KIAA1549L: variants seen among roughly 807,000 people sequenced by gnomAD.
The protein encoded by KIAA1549L is UPF0606 protein KIAA1549L.
In KIAA1549L, 88 loss-of-function variants were observed where a neutral mutation model predicts 160.7. The ratio of observed to expected loss-of-function variants is 0.55; its 90% CI spans 0.46 to 0.65. KIAA1549L has a LOEUF of 0.65. Ranked by LOEUF, KIAA1549L falls within the 30% of genes least tolerant of loss-of-function variation. The pLI is 0.00. For synonymous variants in KIAA1549L, 950 were observed against 976.7 expected (o/e 0.97, Z 0.51); for missense variants, 2,258 against 2,437.5 (o/e 0.93, Z 1.55).
rs531886667 is a variant in KIAA1549L at position 33,453,763 on chromosome 11, G to A, written c.238+76874G>A. On this transcript the variant is annotated intron_variant, in intron 1 of 20. Transcript: ENST00000658780. ...AATATCAATACCTAATCATTGTCAA[G>A]CATCTGCAGTTTCTGCTTTGAGTAA... Among the ~76,000 whole-genome samples the A allele has an allele frequency of 3.3e-5, 5 of 152,276 alleles. No homozygotes were observed. In the South Asian group the frequency reaches 6.2e-4, roughly 19 times the overall value.
At chr11:33,577,517 C>T (rs983188162) in intron 10 of KIAA1549L, among the ~76,000 whole-genome samples, 1 of 152,132 alleles carries the variant, frequency 6.6e-6, no homozygotes, top group Admixed American at 6.5e-5. Flanking sequence ...GTGAAGGGGT[C>T]CGCAGGGACA....
At chr11:33,429,025 G>A (rs1170490752) in intron 1 of KIAA1549L, among the ~76,000 whole-genome samples, 1 of 152,190 alleles carries the variant, frequency 6.6e-6, no homozygotes, top group Non-Finnish European at 1.5e-5. Context: ...AGGCTGGAGT[G>A]CAATGGTGCA....
intron 16 of KIAA1549L, among the ~76,000 whole-genome samples, chr11:33,619,620 T>C (rs899482023): frequency 2.0e-5 from 3 of 152,340 alleles, no homozygotes; most frequent in Middle Eastern, 3.4e-3. Context: ...ACAGAGATAT[T>C]CTACCTAATT....
intron 1 of KIAA1549L, among the ~76,000 whole-genome samples, chr11:33,386,189 G>T (rs1850169491): frequency 6.6e-6 from 1 of 152,182 alleles, no homozygotes; most frequent in African/African-American, 2.4e-5. Context: ...TCTTTCTCTA[G>T]AGTATGATGT....
At chr11:33,610,729 G>T (rs905541066) in intron 15 of KIAA1549L, among the ~76,000 whole-genome samples, 1 of 152,218 alleles carries the variant, frequency 6.6e-6, no homozygotes, top group African/African-American at 2.4e-5. Flanking sequence ...AAGCCAGATG[G>T]TTTAAATTGG....
At chr11:33,483,663 C>T (rs75043918) in intron 1 of KIAA1549L, among the ~76,000 whole-genome samples, 2,821 of 152,154 alleles carry the variant, frequency 0.019, 78 homozygotes, top group African/African-American at 0.062. Context: ...TGGGAGATAA[C>T]TGAATCATGG....
At chr11:33,465,634 C>T (rs1228926511) in intron 1 of KIAA1549L, among the ~76,000 whole-genome samples, 3 of 152,046 alleles carry the variant, frequency 2.0e-5, no homozygotes, top group East Asian at 1.9e-4. Flanking sequence ...TACAAGTGTG[C>T]GTTGAAAAGT....
chr11:33,502,383 T>C (rs1414307847), intron 1 of KIAA1549L, among the ~76,000 whole-genome samples: 2 of 152,182 alleles, frequency 1.3e-5, no homozygotes, highest in East Asian at 3.9e-4. Flanking sequence ...AACACCTCTC[T>C]AGCTTATCTA....
At chr11:33,401,735 G>A (rs752151185) in intron 1 of KIAA1549L, among the ~76,000 whole-genome samples, 1 of 152,120 alleles carries the variant, frequency 6.6e-6, no homozygotes, top group Non-Finnish European at 1.5e-5. Context: ...CTAATTTTTT[G>A]TAGAGATGGG....
At chr11:33,431,742 C>T (rs1034462612) in intron 1 of KIAA1549L, among the ~76,000 whole-genome samples, 3 of 152,260 alleles carry the variant, frequency 2.0e-5, no homozygotes, top group African/African-American at 4.8e-5. Context: ...TGCTGTGCAC[C>T]TGCACTTCTC....
At chr11:33,532,240 A>C (rs1053854579) in intron 1 of KIAA1549L, among the ~76,000 whole-genome samples, 1 of 152,214 alleles carries the variant, frequency 6.6e-6, no homozygotes, top group Non-Finnish European at 1.5e-5. Context: ...GATAGATATG[A>C]AAATATCCTG....
chr11:33,561,774 C>T (rs2133219997), intron 8 of KIAA1549L, 39 bp downstream of exon 8: 1 of 1,395,832 alleles, frequency 7.2e-7, no homozygotes, highest in Non-Finnish European at 1.0e-6. Flanking sequence ...TTCATGCTGT[C>T]AGATTGATTT....
intron 4 of KIAA1549L, among the ~76,000 whole-genome samples, chr11:33,550,328 A>G (rs922251518): frequency 1.1e-4 from 17 of 150,726 alleles, no homozygotes; most frequent in African/African-American, 3.7e-4. Flanking sequence ...TATTTAATAT[A>G]TAAAAACCAA....
intron 1 of KIAA1549L, among the ~76,000 whole-genome samples, chr11:33,535,262 A>G (rs1409553883): frequency 6.6e-6 from 1 of 152,174 alleles, no homozygotes; most frequent in Non-Finnish European, 1.5e-5. Flanking sequence ...GGGCTTTCCC[A>G]TTGTGGCCTC....
intron 1 of KIAA1549L, among the ~76,000 whole-genome samples, chr11:33,527,602 T>C (rs1853642873): frequency 6.6e-6 from 1 of 152,050 alleles, no homozygotes; most frequent in African/African-American, 2.4e-5. Flanking sequence ...CTAAGTAAAC[T>C]AAAAAGCTTC....
At chr11:33,661,820 C>T (rs768382644) in intron 20 of KIAA1549L, among the ~76,000 whole-genome samples, 1 of 133,450 alleles carries the variant, frequency 7.5e-6, no homozygotes, top group Non-Finnish European at 1.5e-5. Context: ...GCAGAGGTTG[C>T]AGTGAGCCAA....
At chr11:33,503,284 GA>G (rs1270215964) in intron 1 of KIAA1549L, among the ~76,000 whole-genome samples, 7 of 152,150 alleles carry the variant, frequency 4.6e-5, no homozygotes, top group Non-Finnish European at 7.3e-5. Context: ...TCTTTCATCC[GA>G]ATCATTGTAT....
intron 1 of KIAA1549L, among the ~76,000 whole-genome samples, chr11:33,501,560 T>C (rs1852948985): frequency 6.6e-6 from 1 of 152,174 alleles, no homozygotes. Context: ...GGGGATAATA[T>C]TTTTGTGGGA....
At chr11:33,458,762 T>C (rs564361632) in intron 1 of KIAA1549L, among the ~76,000 whole-genome samples, 2 of 152,322 alleles carry the variant, frequency 1.3e-5, no homozygotes, top group South Asian at 2.1e-4. Context: ...TCAGTAGTGA[T>C]TGTGCTGAGC....
Sources: allele counts gnomAD v4.1 joint callset (sites outside exome capture counted in the v4.1 genomes callset), GRCh38; gene constraint gnomAD v4.1.1; transcripts MANE v1.5; gene names NCBI Gene and HGNC (gene_info 2026-07-23, HGNC 2026-07-21).